KLHDC4: variants seen among roughly 807,000 people sequenced by gnomAD.
KLHDC4 encodes the protein kelch domain containing 4, also known as kelch domain-containing protein 4.
A neutral mutation model predicts 62.4 loss-of-function variants in KLHDC4; 90 were observed. That is an observed-to-expected ratio of 1.44 (90% CI 1.22 to 1.72). The LOEUF (loss-of-function observed/expected upper bound fraction) is 1.72. Among genes scored for constraint, KLHDC4 ranks in the 40% most tolerant of loss-of-function variants. The pLI, the probability that KLHDC4 is intolerant of heterozygous loss-of-function variation, is 0.00. For synonymous variants in KLHDC4, 386 were observed against 284.4 expected (o/e 1.36, Z -3.59); for missense variants, 1,025 against 699.7 (o/e 1.47, Z -5.25).
intron 5 of KLHDC4, among the ~76,000 whole-genome samples, chr16:87,737,316 G>A (rs980795172): frequency 1.3e-5 from 2 of 151,790 alleles, no homozygotes; most frequent in African/African-American, 4.8e-5. Flanking sequence ...GGCCAGGGGC[G>A]GTGGCTCACG....
chr16:87,727,452 CAGTGGACTGGAGGGGTG>C (rs1382316377), intron 6 of KLHDC4, among the ~76,000 whole-genome samples: 2 of 152,164 alleles, frequency 1.3e-5, no homozygotes, highest in African/African-American at 2.4e-5. Flanking sequence ...TAAGGCCCCA[CAGTGGACTGGAGGGGTG>C]AGCGAGGGGA....
chr16:87,702,177 C>T (rs752265512), exon 14 of KLHDC4: 2 of 456,298 alleles, frequency 4.4e-6, no homozygotes, highest in South Asian at 3.1e-5. Context: ...CAACGTTGAC[C>T]ACCAACCTTG....
intron 7 of KLHDC4, among the ~76,000 whole-genome samples, chr16:87,718,437 C>G (rs1244488217): frequency 6.6e-6 from 1 of 150,438 alleles, no homozygotes; most frequent in Non-Finnish European, 1.5e-5. Flanking sequence ...CTGGACTGTA[C>G]TGCCGCCATC....
intron 5 of KLHDC4, among the ~76,000 whole-genome samples, chr16:87,734,710 G>C (rs1323290909): frequency 1.3e-5 from 2 of 152,138 alleles, no homozygotes; most frequent in African/African-American, 4.8e-5. Flanking sequence ...TCTTCACATA[G>C]GGATACCCAG....
At chr16:87,733,166 G>A (rs1461735014) in intron 5 of KLHDC4, among the ~76,000 whole-genome samples, 1 of 152,102 alleles carries the variant, frequency 6.6e-6, no homozygotes, top group Non-Finnish European at 1.5e-5. Context: ...AGCTTCTACA[G>A]GTGAAAAGGC....
At chr16:87,742,650 C>G (rs776217417) in intron 5 of KLHDC4, among the ~76,000 whole-genome samples, 18 of 152,136 alleles carry the variant, frequency 1.2e-4, no homozygotes, top group Admixed American at 2.0e-4. Flanking sequence ...TCAACCTGCT[C>G]TGAATGGGAC....
intron 6 of KLHDC4, among the ~76,000 whole-genome samples, chr16:87,729,630 G>C (rs967810636): frequency 2.6e-5 from 4 of 152,248 alleles, no homozygotes; most frequent in African/African-American, 9.6e-5. Context: ...CAATGAGAGA[G>C]CCCGCAGCTC....
rs546699638 is a variant in KLHDC4, at chr16:87,709,306, T to G, written c.1406A>C (p.His469Pro). The part of the protein sequence containing the change: ...TLSDLHCLDL[H>P]RMEAWKALVE... Reference sequence around the variant, plus strand: ...CAAGGCCTTCCACGCCTCCATCCTGTGCAGGTCCAGGCAGTGCAGGTCGCT... The same window carrying G: ...CAAGGCCTTCCACGCCTCCATCCTGGGCAGGTCCAGGCAGTGCAGGTCGCT... The change falls in exon 10 of 12, where the codon CAC (histidine) becomes CCC (proline). Residue 469 changes from histidine to proline, a missense_variant. Physicochemically the swap from His to Pro is moderately conservative, Grantham distance 77. Coordinates refer to ENST00000270583, the MANE Select transcript of KLHDC4 (RefSeq NM_017566.4). 5 of 1,613,188 alleles carry G rather than the reference T, an allele frequency of 3.1e-6. No homozygotes were observed. The South Asian group carries it at 5.5e-5, about 18-fold the overall frequency.
In KLHDC4 at chr16:87,726,864, C is replaced by A; in HGVS notation, c.660G>T (p.Lys220Asn). ...TGGGCCCCGTCCCTGACGGGGACAG[C>A]TTGCTCCATGTGAAGGTGTCCAGAT... ...AFNLDTFTWS[K>N]LSPSGTGPTP... is the part of the protein sequence containing the mutation. Residue 220 changes from lysine (K) to asparagine (N), a missense_variant, in exon 7 of 12, where the codon AAG (lysine) becomes AAT (asparagine). Lys to Asn is a moderately conservative substitution (Grantham distance 94). Coordinates refer to ENST00000270583, the MANE Select transcript of KLHDC4 (RefSeq NM_017566.4). 6.2e-7 allele frequency: 1 copy of A among 1,613,750 alleles called. No homozygotes were observed. Among genetic ancestry groups the A allele is most frequent in the Non-Finnish European group, 8.5e-7 (1 of 1,179,868 alleles).
chr16:87,756,939 G>A (rs1046187610), intron 2 of KLHDC4, among the ~76,000 whole-genome samples: 14 of 151,650 alleles, frequency 9.2e-5, no homozygotes, highest in African/African-American at 3.1e-4. Flanking sequence ...TCAGCCCTCC[G>A]AGTGGCTGGG....
At chr16:87,707,218 G>C (rs1049670765), downstream of KLHDC4, among the ~76,000 whole-genome samples, 2 of 152,348 alleles carry the variant, frequency 1.3e-5, no homozygotes, top group East Asian at 1.9e-4. Context: ...AGCCTTCGGG[G>C]GCAAGGAGGC....
exon 1 of KLHDC4, chr16:87,698,239 GAGGACTGA>G (rs1208611466): frequency 6.6e-6 from 1 of 152,342 alleles, no homozygotes; most frequent in African/African-American, 2.4e-5. Flanking sequence ...GAGAGGGAGG[GAGGACTGA>G]AGGTCATACA....
chr16:87,765,414 C>A, intron 1 of KLHDC4: 1 of 486,580 alleles, frequency 2.1e-6, no homozygotes, highest in Non-Finnish European at 4.0e-6. Context: ...AGAGGCAGCC[C>A]CCGGCTCAAC....
At position 87,718,609 on chromosome 16, in the gene KLHDC4, C is replaced by G. The variant is rs528651334; in HGVS notation, c.760-4036G>C. On this transcript the variant is annotated intron_variant, in intron 7 of 11. Coordinates refer to ENST00000270583, the MANE Select transcript of KLHDC4 (RefSeq NM_017566.4). ...CCTCCCAGCCACCTGCCTTGGCCTC[C>G]CAAAGTGCTGAGATTGCAGCCTCTG... Among the ~76,000 whole-genome samples the G allele has an allele frequency of 3.5e-4, 53 of 152,024 alleles. 1 individual carries two copies. Among genetic ancestry groups the G allele is most frequent in the South Asian group, 2.3e-3 (11 of 4,808 alleles).
At chr16:87,730,261 C>T (rs1046161517) in intron 6 of KLHDC4, among the ~76,000 whole-genome samples, 1 of 152,254 alleles carries the variant, frequency 6.6e-6, no homozygotes, top group African/African-American at 2.4e-5. Flanking sequence ...GCCAAAACCC[C>T]ATTTTAGATA....
intron 5 of KLHDC4, among the ~76,000 whole-genome samples, chr16:87,742,064 A>G (rs944883240): frequency 6.6e-6 from 1 of 152,232 alleles, no homozygotes; most frequent in South Asian, 2.1e-4. Flanking sequence ...TTGTGGCTGA[A>G]TCTCCTGACC....
At chr16:87,699,907 C>T (rs923132878) in exon 1 of KLHDC4, 4 of 152,272 alleles carry the variant, frequency 2.6e-5, no homozygotes, top group Non-Finnish European at 2.9e-5. Context: ...CGCTGCAGAC[C>T]TAAAGTGTGG....
upstream of KLHDC4, chr16:87,702,637 A>T (rs1045875607): frequency 1.7e-5 from 4 of 231,696 alleles, no homozygotes; most frequent in African/African-American, 8.9e-5. Context: ...AGCCCGGCGG[A>T]GAAAAAAACC....
At chr16:87,748,868 T>A in intron 4 of KLHDC4, 59 bp from the exon 5 acceptor site, 1 of 1,602,342 alleles carries the variant, frequency 6.2e-7, no homozygotes, top group East Asian at 2.2e-5. Flanking sequence ...GCCAGTGTCA[T>A]GGGTGACCGG....
Sources: allele counts gnomAD v4.1 joint callset (sites outside exome capture counted in the v4.1 genomes callset), GRCh38; gene constraint gnomAD v4.1.1; transcripts MANE v1.5; gene names NCBI Gene and HGNC (gene_info 2026-07-23, HGNC 2026-07-21).